The following ZNF225 variants were observed in gnomAD, a reference collection of about 807,000 sequenced individuals.
The protein encoded by ZNF225 is zinc finger protein 225.
Under a neutral mutation model 12.0 loss-of-function variants are expected in ZNF225, and 6 were observed. The ratio of observed to expected loss-of-function variants is 0.50; its 90% CI spans 0.27 to 0.98. The LOEUF is 0.98. ZNF225 is among the 50% of genes least tolerant of loss of function. ZNF225 has a pLI of 0.11. For synonymous variants in ZNF225, 271 were observed against 283.2 expected (o/e 0.96, Z 0.43); for missense variants, 763 against 848.2 (o/e 0.90, Z 1.25).
chr19:44,130,771 T>C, intron 4 of ZNF225, 79 bp from the exon 5 acceptor site: 1 of 1,179,750 alleles, frequency 8.5e-7, no homozygotes, highest in East Asian at 2.5e-5. Flanking sequence ...AATTTCAGGC[T>C]ATGTCCTAAG....
intron 4 of ZNF225, among the ~76,000 whole-genome samples, chr19:44,123,630 T>C (rs1015534161): frequency 2.0e-5 from 3 of 152,152 alleles, no homozygotes; most frequent in African/African-American, 7.2e-5. Flanking sequence ...CCTGGACTTT[T>C]TTTGTTTGTA....
chr19:44,115,282 A>T (rs1967921588), intron 1 of ZNF225, among the ~76,000 whole-genome samples: 1 of 152,224 alleles, frequency 6.6e-6, no homozygotes, highest in African/African-American at 2.4e-5. Context: ...GGAGTGGAAT[A>T]AACATCACCA....
At chr19:44,124,670 T>C (rs1481043110) in intron 4 of ZNF225, among the ~76,000 whole-genome samples, 5 of 152,198 alleles carry the variant, frequency 3.3e-5, no homozygotes, top group South Asian at 2.1e-4. Context: ...GGTCTATTAG[T>C]AATTGTTTTA....
chr19:44,117,582 G>C (rs1056543725), intron 2 of ZNF225, among the ~76,000 whole-genome samples: 5 of 152,198 alleles, frequency 3.3e-5, no homozygotes, highest in Admixed American at 1.3e-4. Context: ...CCAGGATGCT[G>C]CATTTAGAGT....
In ZNF225 at chr19:44,132,323, G is replaced by A. The variant is rs763478371; in HGVS notation, c.1709G>A (p.Cys570Tyr). 18 of 1,614,060 alleles carry A rather than the reference G, an allele frequency of 1.1e-5. No homozygotes were observed. The South Asian group carries it at 1.3e-4, about 12-fold the overall frequency. ...RVHTGERPYN[C>Y]KECGKSFSRA... ...CACACCGGAGAGAGACCTTATAATT[G>A]TAAAGAATGTGGGAAGAGCTTTAGC... Residue 570 changes from cysteine (C) to tyrosine (Y), a missense_variant, in exon 5 of 5, where the codon TGT becomes TAT. Transcript: ENST00000262894.
In ZNF225 at chr19:44,132,250, G is replaced by A. The variant is rs760258560; in HGVS notation, c.1636G>A (p.Gly546Arg). 6.2e-7 allele frequency: 1 copy of A among 1,614,044 alleles called. No individual in the cohort carries two copies. Among genetic ancestry groups the A allele is most frequent in the Non-Finnish European group, 8.5e-7 (1 of 1,180,026 alleles). ...AAAGCCATACAAATGTGAAGAGTGTGGGAAGGGCTTCAACAGTAAGTTTAA... is the reference window on the plus strand; with the variant it reads ...AAAGCCATACAAATGTGAAGAGTGTAGGAAGGGCTTCAACAGTAAGTTTAA... ...GVKPYKCEECGKGFNSKFNLD... is the reference protein window; with the variant it reads ...GVKPYKCEECRKGFNSKFNLD... Residue 546 changes from glycine (G) to arginine (R), a missense_variant, in exon 5 of 5, where the codon GGG becomes AGG. Physicochemically the swap from Gly to Arg is moderately radical, Grantham distance 125 (BLOSUM62 -2). Coordinates refer to ENST00000262894, the MANE Select transcript of ZNF225 (RefSeq NM_013362.4).
intron 4 of ZNF225, among the ~76,000 whole-genome samples, chr19:44,118,819 T>TC (rs1311284119): frequency 6.7e-6 from 1 of 149,306 alleles, no homozygotes; most frequent in Non-Finnish European, 1.5e-5. Context: ...CTTTCTGGCT[T>TC]CTTTTTTTTT....
Position 44,131,698 on chromosome 19 carries a change from C to T in ZNF225, c.1084C>T (p.His362Tyr). ...RFIYRQDLYKHQIDHTGEKPY... is the reference protein window; with the variant it reads ...RFIYRQDLYKYQIDHTGEKPY... The stretch of plus-strand genomic sequence containing the variant: ...CATTTATAGGCAAGATCTTTATAAG[C>T]ATCAGATAGACCACACAGGGGAGAA... Residue 362 changes from histidine (H) to tyrosine (Y), a missense_variant, in exon 5 of 5, where the codon CAT becomes TAT. By Grantham distance (83) the His-to-Tyr change is moderately conservative. Coordinates refer to ENST00000262894, the MANE Select transcript of ZNF225 (RefSeq NM_013362.4). 1 of 1,614,094 alleles carries T rather than the reference C, an allele frequency of 6.2e-7. No homozygotes were observed. The highest frequency in any genetic ancestry group is 8.5e-7 in the Non-Finnish European group (1 of 1,180,002).
chr19:44,115,691 C>T (rs1375025864), intron 1 of ZNF225, 69 bp from the exon 2 acceptor site: 7 of 723,060 alleles, frequency 9.7e-6, no homozygotes, highest in African/African-American at 3.6e-5. Context: ...AATACACATT[C>T]GTGTTGGTGG....
At chr19:44,115,574 A>T in intron 1 of ZNF225, 186 bp from the exon 2 acceptor site, 1 of 392,808 alleles carries the variant, frequency 2.5e-6, no homozygotes, top group Non-Finnish European at 4.6e-6. Flanking sequence ...CATTGTATGG[A>T]TAGGCCACAA....
chr19:44,132,815 C>G lies in ZNF225; in HGVS notation c.*80C>G. The G allele has an allele frequency of 8.5e-7, 1 of 1,170,034 alleles. No homozygotes were observed. Among genetic ancestry groups the G allele is most frequent in the Non-Finnish European group, 1.2e-6 (1 of 848,774 alleles). 72.5% of individuals were successfully genotyped at this position (1,170,034 alleles called of 1,614,324 possible). ...GTAATGATCAAATCAGTGTAATTAA[C>G]ATACCTATCACCTCAAACATTTATC... On this transcript the variant is annotated 3_prime_UTR_variant, in exon 5 of 5. Coordinates refer to ENST00000262894, the MANE Select transcript of ZNF225 (RefSeq NM_013362.4).
intron 4 of ZNF225, chr19:44,129,811 T>G (rs1050001696): frequency 2.6e-5 from 4 of 152,202 alleles, no homozygotes; most frequent in Admixed American, 2.6e-4. Flanking sequence ...GGCATGACAT[T>G]TTAAGGACTG....
At chr19:44,123,828 A>T (rs1968098421) in intron 4 of ZNF225, among the ~76,000 whole-genome samples, 1 of 152,100 alleles carries the variant, frequency 6.6e-6, no homozygotes, top group Admixed American at 6.6e-5. Context: ...CAGTGGTGTC[A>T]GTTGTAATAT....
At chr19:44,118,905 T>C (rs965880242) in intron 4 of ZNF225, among the ~76,000 whole-genome samples, 6 of 151,692 alleles carry the variant, frequency 4.0e-5, no homozygotes, top group African/African-American at 1.2e-4. Context: ...CAAGCTCCGC[T>C]TCCCGGGTTC....
intron 1 of ZNF225, chr19:44,115,524 G>A (rs1048006035): frequency 1.2e-4 from 33 of 279,348 alleles, no homozygotes; most frequent in African/African-American, 6.4e-4. Flanking sequence ...GTTGTAGCAT[G>A]AATCAGTACT....
In ZNF225 at chr19:44,134,084, C is replaced by T. The variant is rs1040555830; in HGVS notation, c.*1349C>T. 1 of 151,920 alleles carries T rather than the reference C, an allele frequency of 6.6e-6. No homozygotes were observed. The highest frequency in any genetic ancestry group is 1.5e-5 in the Non-Finnish European group (1 of 67,994). The allele number at this position is 151,920 out of a possible 1,614,324, so 9.4% of individuals were successfully genotyped here. A position where few individuals can be genotyped will look rare whatever the true frequency, so the allele number is the denominator to read the frequency against. ...ACTCAGAATATAGTTGTACTCATGA[C>T]TATATTATAGTGACAGGATACAAAT... On this transcript the variant is annotated 3_prime_UTR_variant, in exon 5 of 5. Coordinates refer to ENST00000262894, the MANE Select transcript of ZNF225 (RefSeq NM_013362.4).
chr19:44,114,196 C>A, intron 1 of ZNF225: 1 of 1,042,040 alleles, frequency 9.6e-7, no homozygotes, highest in Non-Finnish European at 1.5e-6. Flanking sequence ...TTCTTGGCTT[C>A]TGAGGGCAAA....
intron 2 of ZNF225, 122 bp from the exon 3 acceptor site, chr19:44,118,066 T>C: frequency 9.8e-7 from 1 of 1,018,524 alleles, no homozygotes; most frequent in Non-Finnish European, 1.3e-6. Flanking sequence ...AGTCTGTGTG[T>C]TGACCTATGT....
chr19:44,131,605 C>G lies in ZNF225; in HGVS notation c.991C>G (p.Leu331Val). 1 of 1,614,182 alleles carries G rather than the reference C, an allele frequency of 6.2e-7. No homozygotes were observed. The highest frequency in any genetic ancestry group is 8.5e-7 in the Non-Finnish European group (1 of 1,180,038). Reference protein sequence around the residue: ...CGKSFGLKSALNSHRMVHTGE... With the variant: ...CGKSFGLKSAVNSHRMVHTGE... Reference sequence around the variant, plus strand: ...TAAGAGCTTTGGTCTGAAATCAGCACTTAATAGTCATCGCATGGTCCACAC... The same window carrying G: ...TAAGAGCTTTGGTCTGAAATCAGCAGTTAATAGTCATCGCATGGTCCACAC... Residue 331 changes from leucine (L) to valine (V), a missense_variant, in exon 5 of 5, where the codon CTT becomes GTT. Transcript: ENST00000262894.
Sources: allele counts gnomAD v4.1 joint callset (sites outside exome capture counted in the v4.1 genomes callset), GRCh38; gene constraint gnomAD v4.1.1; transcripts MANE v1.5; gene names NCBI Gene and HGNC (gene_info 2026-07-23, HGNC 2026-07-21).